PCED1B: variants seen among roughly 807,000 people sequenced by gnomAD.
PCED1B encodes the protein PC-esterase domain containing 1B, also known as PC-esterase domain-containing protein 1B.
For synonymous variants in PCED1B, 251 were observed against 246.1 expected (o/e 1.02, Z -0.19); for missense variants, 573 against 573.9 (o/e 1.00, Z 0.02).
chr12:47,098,199 CA>C (rs1478176858), intron 1 of PCED1B, among the ~76,000 whole-genome samples: 3 of 152,274 alleles, frequency 2.0e-5, no homozygotes, highest in Admixed American at 6.5e-5. Flanking sequence ...CCAATGAGAC[CA>C]GGGGTAGACT....
rs1391164678 is a variant in PCED1B, at chr12:47,236,398, G to T, written c.*36G>T. 1.3e-6 allele frequency: 2 copies of T among 1,486,978 alleles called. No individual in the cohort carries two copies. Among genetic ancestry groups the T allele is most frequent in the Non-Finnish European group, 1.8e-6 (2 of 1,116,528 alleles). The allele number at this position is 1,486,978 out of a possible 1,614,324, so 92.1% of individuals were successfully genotyped here. A position where few individuals can be genotyped will look rare whatever the true frequency, so the allele number is the denominator to read the frequency against. ...GCCTTATTTCCTCTTTATGAACATG[G>T]ATTGGACAGATCTGACACTTCCTTT... On this transcript the variant is annotated 3_prime_UTR_variant, in exon 4 of 4. Coordinates refer to ENST00000546455, the MANE Select transcript of PCED1B (RefSeq NM_138371.3).
Position 47,181,177 on chromosome 12 carries a change from G to T in PCED1B, c.-525-35045G>T, listed in dbSNP as rs374463008. Among the ~76,000 whole-genome samples the T allele has an allele frequency of 9.2e-5, 14 of 151,902 alleles. No homozygotes were observed. The East Asian group carries it at 1.6e-3, about 17-fold the overall frequency. On this transcript the variant is annotated intron_variant, in intron 2 of 3. Coordinates refer to ENST00000546455, the MANE Select transcript of PCED1B (RefSeq NM_138371.3). ...TATTTGTATTTTTTGTAGAGATGGG[G>T]TTTCACCATATTGCCCAGGCTGGTC...
chr12:47,202,491 G>T (rs1420644940), intron 2 of PCED1B, among the ~76,000 whole-genome samples: 1 of 148,784 alleles, frequency 6.7e-6, no homozygotes, highest in African/African-American at 2.5e-5. Context: ...AGTCCTCACT[G>T]CTCACATGTC....
At chr12:47,209,450 C>T (rs985857126) in intron 2 of PCED1B, 2 of 152,086 alleles carry the variant, frequency 1.3e-5, no homozygotes, top group African/African-American at 4.8e-5. Flanking sequence ...CATGCCATCG[C>T]ACTCCAGCCT....
chr12:47,184,150 T>C (rs755941767), intron 2 of PCED1B, among the ~76,000 whole-genome samples: 3 of 152,172 alleles, frequency 2.0e-5, no homozygotes, highest in Non-Finnish European at 4.4e-5. Context: ...AGTGCTGGGA[T>C]TGCACCGCAC....
At chr12:47,083,759 A>G (rs1049168793) in intron 1 of PCED1B, among the ~76,000 whole-genome samples, 1 of 152,078 alleles carries the variant, frequency 6.6e-6, no homozygotes, top group African/African-American at 2.4e-5. Context: ...CTTGGCTGGA[A>G]ATGGGGGGAT....
intron 2 of PCED1B, among the ~76,000 whole-genome samples, chr12:47,141,076 A>C (rs1940572970): frequency 6.6e-6 from 1 of 152,206 alleles, no homozygotes; most frequent in South Asian, 2.1e-4. Flanking sequence ...TCAGCTGTGC[A>C]AGCAGCAGAC....
chr12:47,092,374 A>G (rs1021039107), intron 1 of PCED1B, among the ~76,000 whole-genome samples: 2 of 152,066 alleles, frequency 1.3e-5, no homozygotes, highest in Non-Finnish European at 2.9e-5. Context: ...TTGACTGTAT[A>G]TCCGGTTCCC....
chr12:47,153,355 C>CAAAAAAAAA (rs11299918), intron 2 of PCED1B, among the ~76,000 whole-genome samples: 3 of 95,270 alleles, frequency 3.1e-5, no homozygotes, highest in East Asian at 6.3e-4. Context: ...GACTCCTTCT[C>CAAAAAAAAA]AAAAAAAAAA....
At chr12:47,150,927 G>C (rs557183670) in intron 2 of PCED1B, among the ~76,000 whole-genome samples, 1 of 152,222 alleles carries the variant, frequency 6.6e-6, no homozygotes, top group East Asian at 1.9e-4. Flanking sequence ...GATAGGATAG[G>C]ACTTAATTTT....
intron 2 of PCED1B, among the ~76,000 whole-genome samples, chr12:47,197,426 G>T (rs551392293): frequency 3.3e-5 from 5 of 151,560 alleles, no homozygotes; most frequent in African/African-American, 1.2e-4. Context: ...GGCCAACATG[G>T]TGAAACCCCA....
intron 2 of PCED1B, among the ~76,000 whole-genome samples, chr12:47,191,869 C>G (rs1191782596): frequency 2.0e-5 from 3 of 151,726 alleles, no homozygotes; most frequent in Non-Finnish European, 4.4e-5. Context: ...TTTCTCTTTG[C>G]CAATCTGAGT....
chr12:47,192,513 GA>G (rs1565593235), intron 2 of PCED1B, among the ~76,000 whole-genome samples: 1 of 152,188 alleles, frequency 6.6e-6, no homozygotes, highest in Non-Finnish European at 1.5e-5. Flanking sequence ...GTCACTTGGA[GA>G]GTCCACTTTA....
chr12:47,172,941 TG>T (rs1941799452), intron 2 of PCED1B, among the ~76,000 whole-genome samples: 1 of 152,182 alleles, frequency 6.6e-6, no homozygotes, highest in Non-Finnish European at 1.5e-5. Context: ...AAAATGTTTT[TG>T]TGTGTTTGTG....
At chr12:47,207,382 G>A (rs1942943716) in intron 2 of PCED1B, among the ~76,000 whole-genome samples, 1 of 152,240 alleles carries the variant, frequency 6.6e-6, no homozygotes. Flanking sequence ...CTATGAAAGA[G>A]GAAGCCCTGT....
chr12:47,098,341 A>G (rs1036477289), intron 1 of PCED1B, among the ~76,000 whole-genome samples: 11 of 152,366 alleles, frequency 7.2e-5, no homozygotes, highest in African/African-American at 2.4e-4. Flanking sequence ...TGCAAGCCAA[A>G]GTCAAGGACA....
At chr12:47,217,000 G>A (rs1246924797) in intron 3 of PCED1B, among the ~76,000 whole-genome samples, 1 of 152,158 alleles carries the variant, frequency 6.6e-6, no homozygotes, top group African/African-American at 2.4e-5. Context: ...TGACCACAAA[G>A]GCTTGGCATC....
chr12:47,173,807 A>G (rs1163663090), intron 2 of PCED1B, among the ~76,000 whole-genome samples: 2 of 152,244 alleles, frequency 1.3e-5, no homozygotes, highest in African/African-American at 4.8e-5. Context: ...AGATCTTTAA[A>G]AAAATGATTA....
At chr12:47,201,153 G>T (rs1942751873) in intron 2 of PCED1B, among the ~76,000 whole-genome samples, 1 of 152,140 alleles carries the variant, frequency 6.6e-6, no homozygotes, top group Non-Finnish European at 1.5e-5. Context: ...GAGGGGGGGA[G>T]TCTAGTTAAA....
Sources: allele counts gnomAD v4.1 joint callset (sites outside exome capture counted in the v4.1 genomes callset), GRCh38; gene constraint gnomAD v4.1.1; transcripts MANE v1.5; gene names NCBI Gene and HGNC (gene_info 2026-07-23, HGNC 2026-07-21).